The following MYO5B variants were observed in gnomAD, a reference collection of about 807,000 sequenced individuals.
The protein encoded by MYO5B is unconventional myosin-Vb.
MYO5B carries 143 observed loss-of-function variants against 229.3 expected under a neutral mutation model. The ratio of observed to expected loss-of-function variants is 0.62; its 90% CI spans 0.54 to 0.72. MYO5B has a LOEUF of 0.72. Ranked by LOEUF, MYO5B falls within the 30% of genes least tolerant of loss-of-function variation. The pLI is 0.00. For missense variants in MYO5B, 2,321 were observed against 2,331.0 expected, an observed-to-expected ratio of 1.00 and a Z score of 0.09; for synonymous variants, 918 against 885.2, an observed-to-expected ratio of 1.04 and a Z score of -0.66.
At chr18:49,978,915 G>C (rs1255594113) in intron 9 of MYO5B, among the ~76,000 whole-genome samples, 1 of 152,122 alleles carries the variant, frequency 6.6e-6, no homozygotes, top group Non-Finnish European at 1.5e-5. Context: ...GGTCACTGCA[G>C]GTGTTCCTCA....
At position 49,974,634 on chromosome 18, in the gene MYO5B, A is replaced by G. The variant is rs746630428; in HGVS notation, c.1057-19T>C. 2 of 1,611,542 alleles carry G rather than the reference A, an allele frequency of 1.2e-6. No individual in the cohort carries two copies. The highest frequency in any genetic ancestry group is 1.7e-6 in the Non-Finnish European group (2 of 1,178,880). Reference sequence around the variant, plus strand: ...CCTGGGGCTGTGGGAGATGGGGGAGATAGGTTCAGGAGGAGTGTGGGAGAC... The same window carrying G: ...CCTGGGGCTGTGGGAGATGGGGGAGGTAGGTTCAGGAGGAGTGTGGGAGAC... On this transcript the variant is annotated intron_variant, in intron 9 of 39. Transcript: ENST00000285039.
chr18:49,934,813 T>C (rs2025231496), intron 16 of MYO5B, among the ~76,000 whole-genome samples: 1 of 152,214 alleles, frequency 6.6e-6, no homozygotes, highest in African/African-American at 2.4e-5. Flanking sequence ...CCCATCTGAA[T>C]GGAAGCCAAG....
intron 33 of MYO5B, among the ~76,000 whole-genome samples, chr18:49,845,149 A>C (rs1050539479): frequency 1.3e-5 from 2 of 152,198 alleles, no homozygotes; most frequent in Admixed American, 6.5e-5. Context: ...AAGCAGCCTT[A>C]TTTATTGAAA....
intron 4 of MYO5B, among the ~76,000 whole-genome samples, chr18:50,027,365 C>T (rs1318563472): frequency 6.6e-6 from 1 of 152,190 alleles, no homozygotes; most frequent in East Asian, 1.9e-4. Context: ...TCTGCCTGCA[C>T]AGGGCTCCAT....
intron 1 of MYO5B, among the ~76,000 whole-genome samples, chr18:50,189,998 T>G (rs1386692357): frequency 6.6e-6 from 1 of 152,188 alleles, no homozygotes; most frequent in Non-Finnish European, 1.5e-5. Flanking sequence ...AAAAACCCAC[T>G]GCTCAGACAC....
intron 1 of MYO5B, among the ~76,000 whole-genome samples, chr18:50,070,733 G>A (rs946772289): frequency 7.9e-5 from 12 of 151,900 alleles, no homozygotes; most frequent in Admixed American, 1.3e-4. Flanking sequence ...AAGACTGTTC[G>A]CAACTGGCCC....
intron 14 of MYO5B, among the ~76,000 whole-genome samples, chr18:49,950,154 T>C (rs2025417215): frequency 6.6e-6 from 1 of 152,226 alleles, no homozygotes; most frequent in Admixed American, 6.5e-5. Flanking sequence ...TAGGGTCTGG[T>C]TAGCCAGAGC....
chr18:49,937,765 A>G (rs1330226126), intron 14 of MYO5B, among the ~76,000 whole-genome samples: 1 of 152,046 alleles, frequency 6.6e-6, no homozygotes, highest in Non-Finnish European at 1.5e-5. Flanking sequence ...TTCCATTTAC[A>G]TGAAATATCC....
intron 33 of MYO5B, among the ~76,000 whole-genome samples, chr18:49,845,404 G>A (rs770518596): frequency 6.6e-6 from 1 of 152,090 alleles, no homozygotes; most frequent in African/African-American, 2.4e-5. Context: ...TGGGTCCCTC[G>A]GCCCTAGGCA....
rs1295327733 is a variant in MYO5B at position 49,824,702 on chromosome 18, T to C, written c.*1769A>G. On this transcript the variant is annotated 3_prime_UTR_variant, in exon 40 of 40. Transcript: ENST00000285039. ...AGCCACAAACCCAGTTGTTTTAGAT[T>C]GGCCTTCTAAATGAAGTCAGCACAT... 1 of 152,230 alleles carries C rather than the reference T, an allele frequency of 6.6e-6. No homozygotes were observed. The highest frequency in any genetic ancestry group is 1.5e-5 in the Non-Finnish European group (1 of 68,028). 9.4% of individuals were successfully genotyped at this position (152,230 alleles called of 1,614,324 possible). A position where few individuals can be genotyped will look rare whatever the true frequency, so the allele number is the denominator to read the frequency against.
At chr18:49,936,620 C>G (rs747191144) in intron 15 of MYO5B, among the ~76,000 whole-genome samples, 11 of 152,074 alleles carry the variant, frequency 7.2e-5, no homozygotes, top group Non-Finnish European at 1.2e-4. Flanking sequence ...TGCTGTGGAT[C>G]AAATAAGATG....
At chr18:50,086,079 A>T (rs909372734) in intron 1 of MYO5B, among the ~76,000 whole-genome samples, 26 of 152,136 alleles carry the variant, frequency 1.7e-4, no homozygotes, top group Middle Eastern at 3.4e-3. Context: ...AATAAAATTT[A>T]AAAAAAAGAT....
chr18:50,020,713 C>T (rs917773338), intron 4 of MYO5B, among the ~76,000 whole-genome samples: 3 of 152,204 alleles, frequency 2.0e-5, no homozygotes, highest in African/African-American at 7.2e-5. Flanking sequence ...ACTCAGGCAG[C>T]AGGGGTAGAA....
intron 1 of MYO5B, among the ~76,000 whole-genome samples, chr18:50,147,630 T>G (rs1370079466): frequency 6.6e-6 from 1 of 152,220 alleles, no homozygotes; most frequent in East Asian, 1.9e-4. Flanking sequence ...CCATTATGGC[T>G]TTCCATGGCT....
At position 49,823,576 on chromosome 18, in the gene MYO5B, A is replaced by G. The variant is rs1359791852; in HGVS notation, c.*2895T>C. The G allele has an allele frequency of 8.1e-6, 1 of 124,130 alleles. No individual in the cohort carries two copies. Among genetic ancestry groups the G allele is most frequent in the Non-Finnish European group, 1.7e-5 (1 of 57,174 alleles). 7.7% of individuals were successfully genotyped at this position (124,130 alleles called of 1,614,324 possible). A position where few individuals can be genotyped will look rare whatever the true frequency, so the allele number is the denominator to read the frequency against. ...TGATTTTTAACTGTTCCAAGCTCCT[A>G]GTTTTGTTTTGTTTTTACAAAAGCC... is the stretch of plus-strand genomic sequence containing the variant. On this transcript the variant is annotated 3_prime_UTR_variant, in exon 40 of 40. Coordinates refer to ENST00000285039, the MANE Select transcript of MYO5B (RefSeq NM_001080467.3).
chr18:49,860,453 C>T (rs2024315973), intron 29 of MYO5B, among the ~76,000 whole-genome samples: 1 of 152,126 alleles, frequency 6.6e-6, no homozygotes, highest in African/African-American at 2.4e-5. Flanking sequence ...TCTTAGTTCC[C>T]AGAGGTAAAA....
intron 1 of MYO5B, among the ~76,000 whole-genome samples, chr18:50,178,374 A>C (rs945425593): frequency 6.6e-6 from 1 of 152,232 alleles, no homozygotes; most frequent in African/African-American, 2.4e-5. Flanking sequence ...ACTAGCTCAG[A>C]TATTAACCAC....
chr18:49,902,018 C>G (rs1474168306), intron 21 of MYO5B, among the ~76,000 whole-genome samples: 1 of 152,262 alleles, frequency 6.6e-6, no homozygotes, highest in Non-Finnish European at 1.5e-5. Flanking sequence ...GGGCAAAACA[C>G]CAGCACCTTG....
intron 22 of MYO5B, among the ~76,000 whole-genome samples, chr18:49,891,635 C>A (rs1416214084): frequency 6.6e-6 from 1 of 152,172 alleles, no homozygotes; most frequent in Non-Finnish European, 1.5e-5. Flanking sequence ...TCCACATGAA[C>A]CATGAGTCCT....
Sources: gnomAD v4.1 joint callset for allele counts (sites outside exome capture counted in the v4.1 genomes callset) on GRCh38, gnomAD v4.1.1 for gene constraint, MANE v1.5 for transcripts, NCBI Gene and HGNC (gene_info 2026-07-23, HGNC 2026-07-21) for gene names.